Variants in ARHGAP31 observed in about 807,000 individuals in gnomAD.
ARHGAP31 encodes the protein Rho GTPase activating protein 31.
In ARHGAP31, 34 loss-of-function variants were observed where a neutral mutation model predicts 113.9. That is an observed-to-expected ratio of 0.30 (90% CI 0.23 to 0.40). ARHGAP31 has a LOEUF of 0.40. Ranked by LOEUF, ARHGAP31 falls within the 10% of genes least tolerant of loss-of-function variation. ARHGAP31 has a pLI of 1.00. For synonymous variants in ARHGAP31, 650 were observed against 684.8 expected, an observed-to-expected ratio of 0.95 and a Z score of 0.79; for missense variants, 1,548 against 1,767.1, an observed-to-expected ratio of 0.88 and a Z score of 2.22.
rs1248380035 is a variant in ARHGAP31 at position 119,414,944 on chromosome 3, G to A, written c.3015G>A (p.Arg1005=). 2 of 1,614,202 alleles carry A rather than the reference G, an allele frequency of 1.2e-6. No homozygotes were observed. The highest frequency in any genetic ancestry group is 4.5e-5 in the East Asian group (2 of 44,880). The change falls in exon 12 of 12, where the codon AGG becomes AGA. Residue 1005 remains arginine (R), a synonymous_variant. Coordinates refer to ENST00000264245, the MANE Select transcript of ARHGAP31 (RefSeq NM_020754.4). The part of the protein sequence containing the change: ...EITGWDEKAL[R]SFREFSGLKG... Reference sequence around the variant, plus strand: ...CTGGATGGGATGAGAAAGCCCTGAGGTCCTTCAGAGAGTTCTCTGGCCTGA... The same window carrying A: ...CTGGATGGGATGAGAAAGCCCTGAGATCCTTCAGAGAGTTCTCTGGCCTGA...
chr3:119,329,779 T>C (rs2079875283), intron 1 of ARHGAP31: 3 of 984,690 alleles, frequency 3.0e-6, no homozygotes, highest in South Asian at 4.7e-5. Flanking sequence ...CAGTGCCCAG[T>C]GAAAGGACAG....
At chr3:119,312,428 G>C (rs553137175) in intron 1 of ARHGAP31, among the ~76,000 whole-genome samples, 1 of 151,996 alleles carries the variant, frequency 6.6e-6, no homozygotes, top group African/African-American at 2.4e-5. Flanking sequence ...CTTCTCACCC[G>C]CCTCCTGGTC....
Position 119,320,709 on chromosome 3 carries a change from TG to T in ARHGAP31, c.100+25706del, listed in dbSNP as rs1468133918. On this transcript the variant is annotated intron_variant, in intron 1 of 11. Transcript: ENST00000264245. Reference sequence around the variant, plus strand: ...AGCTGCGATCTCATCATTTTCTTTTTGTGTATTCTAAAACTCAGATGTTTTC... The same window carrying T: ...AGCTGCGATCTCATCATTTTCTTTTTTGTATTCTAAAACTCAGATGTTTTC... Among the ~76,000 whole-genome samples, 20 of 152,350 alleles carry T rather than the reference TG, an allele frequency of 1.3e-4. 1 individual carries two copies. The highest frequency in any genetic ancestry group is 4.6e-4 in the African/African-American group (19 of 41,568).
intron 1 of ARHGAP31, among the ~76,000 whole-genome samples, chr3:119,311,357 T>C (rs190605067): frequency 6.6e-6 from 1 of 152,308 alleles, no homozygotes; most frequent in Admixed American, 6.5e-5. Flanking sequence ...CATGTCACCT[T>C]TGCTCCTCAG....
intron 5 of ARHGAP31, 58 bp from the exon 6 acceptor site, chr3:119,383,026 T>A (rs2080415539): frequency 6.2e-7 from 1 of 1,606,434 alleles, no homozygotes; most frequent in Admixed American, 1.7e-5. Flanking sequence ...TGGCTCCTCT[T>A]GCTGCTTCAG....
chr3:119,405,806 C>T (rs1205660936), intron 10 of ARHGAP31, among the ~76,000 whole-genome samples: 2 of 152,172 alleles, frequency 1.3e-5, no homozygotes, highest in Admixed American at 1.3e-4. Context: ...CAAGTAGCCA[C>T]CAAATCTGTC....
In ARHGAP31 at chr3:119,415,651, G is replaced by A; in HGVS notation, c.3722G>A (p.Gly1241Glu). 6.2e-7 allele frequency: 1 copy of A among 1,614,046 alleles called. No individual in the cohort carries two copies. The highest frequency in any genetic ancestry group is 8.5e-7 in the Non-Finnish European group (1 of 1,179,994). The change falls in exon 12 of 12, where the codon GGG becomes GAG. Residue 1241 changes from glycine (G) to glutamate (E), a missense_variant. Transcript: ENST00000264245. ...CAGGAGGGACCCAGCTCAACCAGTGGGACCACTCAGAAACCTGCCAAAGAT... is the reference window on the plus strand; with the variant it reads ...CAGGAGGGACCCAGCTCAACCAGTGAGACCACTCAGAAACCTGCCAAAGAT... ...RSQEGPSSTS[G>E]TTQKPAKDDS...
intron 1 of ARHGAP31, among the ~76,000 whole-genome samples, chr3:119,312,042 G>A (rs10511386): frequency 0.37 from 57,007 of 152,086 alleles, 10,906 homozygotes; most frequent in Non-Finnish European, 0.41. Context: ...CTGTTTACAG[G>A]AACCAATGGC....
rs191045060 is a variant in ARHGAP31 at position 119,399,495 on chromosome 3, C to G, written c.1069+234C>G. On this transcript the variant is annotated intron_variant, in intron 9 of 11. Transcript: ENST00000264245. ...GCCATCCTCTTTGCCCATCCTTCCT[C>G]TAGCCACAGCTGAAGTCCATGGCTA... Among the ~76,000 whole-genome samples, 222 of 152,372 alleles carry G rather than the reference C, an allele frequency of 1.5e-3. 2 individuals are homozygous for G. The highest frequency in any genetic ancestry group is 0.013 in the Admixed American group (203 of 15,308).
rs901309524 is a variant in ARHGAP31 at position 119,336,000 on chromosome 3, C to T, written c.101-29316C>T. On this transcript the variant is annotated intron_variant, in intron 1 of 11. Coordinates refer to ENST00000264245, the MANE Select transcript of ARHGAP31 (RefSeq NM_020754.4). The stretch of plus-strand genomic sequence containing the variant: ...CCAGCCTAGACATCATGGTGAAATC[C>T]CCTCTCTACTAAAAATACAAAAAAA... Among the ~76,000 whole-genome samples, 4 of 152,124 alleles carry T rather than the reference C, an allele frequency of 2.6e-5. 1 individual carries two copies. The South Asian group carries it at 8.3e-4, about 32-fold the overall frequency.
Position 119,335,025 on chromosome 3 carries a change from C to T in ARHGAP31, c.101-30291C>T, listed in dbSNP as rs562529440. On this transcript the variant is annotated intron_variant, in intron 1 of 11. Transcript: ENST00000264245. ...GTCTCCAAATTAAAAATGAGTTATG[C>T]TGTAGAAGAACACTTGTATGTTGAT... 4.6e-5 allele frequency among the ~76,000 whole-genome samples: 7 copies of T among 152,050 alleles called. No homozygotes were observed. In the East Asian group the frequency reaches 1.4e-3, roughly 29 times the overall value.
chr3:119,356,630 C>CA (rs537179477), intron 1 of ARHGAP31, among the ~76,000 whole-genome samples: 5,032 of 114,450 alleles, frequency 0.044, 226 homozygotes, highest in African/African-American at 0.13. Flanking sequence ...GACTCTGTCT[C>CA]AAAAAAAAAA....
In ARHGAP31 at chr3:119,414,081, T is replaced by C. The variant is rs756756749; in HGVS notation, c.2152T>C (p.Trp718Arg). The C allele has an allele frequency of 6.2e-7, 1 of 1,614,092 alleles. No individual in the cohort carries two copies. Among genetic ancestry groups the C allele is most frequent in the Non-Finnish European group, 8.5e-7 (1 of 1,180,016 alleles). The stretch of plus-strand genomic sequence containing the variant: ...TCCAGTCTCCACCCCTCTGGAGGTG[T>C]GGACTAGGGATCCAGCCAATCAGAG... ...PAPVSTPLEV[W>R]TRDPANQSTQ... is the part of the protein sequence containing the mutation. The change falls in exon 12 of 12, where the codon TGG (tryptophan) becomes CGG (arginine). Residue 718 changes from tryptophan (W) to arginine (R), a missense_variant. Trp to Arg is a moderately radical substitution (Grantham distance 101, BLOSUM62 -3). Transcript: ENST00000264245.
At chr3:119,401,106 G>C (rs972656826) in intron 9 of ARHGAP31, among the ~76,000 whole-genome samples, 31 of 151,812 alleles carry the variant, frequency 2.0e-4, no homozygotes, top group African/African-American at 7.5e-4. Flanking sequence ...GGGAGGTGGA[G>C]GTTGCAGTGA....
intron 1 of ARHGAP31, among the ~76,000 whole-genome samples, chr3:119,321,281 A>ATATATATATATAGTATATATATAC (rs1553759845): frequency 1.0e-3 from 57 of 55,578 alleles, no homozygotes; most frequent in African/African-American, 1.2e-3. Flanking sequence ...TATATATACT[A>ATATATATATATAGTATATATATAC]TATATATATA....
chr3:119,332,086 AC>A (rs2079896177), intron 1 of ARHGAP31, among the ~76,000 whole-genome samples: 1 of 152,060 alleles, frequency 6.6e-6, no homozygotes, highest in South Asian at 2.1e-4. Context: ...AAAAGTTATT[AC>A]TTCGCCTTTA....
chr3:119,342,955 A>T (rs938827222), intron 1 of ARHGAP31, among the ~76,000 whole-genome samples: 14 of 152,330 alleles, frequency 9.2e-5, no homozygotes, highest in African/African-American at 1.2e-4. Flanking sequence ...GTCTCAAAAA[A>T]AAAAAATAAA....
At chr3:119,387,210 G>T (rs1559988658) in intron 6 of ARHGAP31, among the ~76,000 whole-genome samples, 1 of 152,192 alleles carries the variant, frequency 6.6e-6, no homozygotes, top group Non-Finnish European at 1.5e-5. Flanking sequence ...CTTCCCAGAC[G>T]CTGGCTTCAC....
At chr3:119,350,546 C>T (rs778439433) in intron 1 of ARHGAP31, among the ~76,000 whole-genome samples, 17 of 152,106 alleles carry the variant, frequency 1.1e-4, no homozygotes, top group Non-Finnish European at 2.2e-4. Context: ...CCAGAGGGTA[C>T]AATAAGCAAA....
Sources: allele counts gnomAD v4.1 joint callset (sites outside exome capture counted in the v4.1 genomes callset), GRCh38; gene constraint gnomAD v4.1.1; transcripts MANE v1.5; gene names NCBI Gene and HGNC (gene_info 2026-07-23, HGNC 2026-07-21).